OOEP: variants seen among roughly 807,000 people sequenced by gnomAD.
The protein encoded by OOEP is oocyte-expressed protein homolog.
OOEP carries 16 observed loss-of-function variants against 13.7 expected under a neutral mutation model. The observed-to-expected ratio is 1.16, with a 90% confidence interval of 0.79 to 1.77. OOEP has a LOEUF of 1.77. OOEP is among the 40% of genes most tolerant of loss of function. The probability of loss-of-function intolerance (pLI) is 0.00; values close to 1 mark genes in which losing one functional copy is unlikely to be tolerated. For missense variants in OOEP, 195 were observed against 193.1 expected (o/e 1.01, Z -0.06); for synonymous variants, 89 against 77.1 (o/e 1.15, Z -0.81).
At chr6:73,371,250 G>A (rs1482933553), upstream of OOEP, among the ~76,000 whole-genome samples, 1 of 152,162 alleles carries the variant, frequency 6.6e-6, no homozygotes, top group Non-Finnish European at 1.5e-5. Context: ...TATCAGGTGT[G>A]CAGGGCATAC....
At chr6:73,393,003 A>G (rs1042880689) in intron 2 of OOEP, among the ~76,000 whole-genome samples, 1 of 151,626 alleles carries the variant, frequency 6.6e-6, no homozygotes, top group Non-Finnish European at 1.5e-5. Flanking sequence ...CCAGACCTCA[A>G]GTGATCTGCC....
chr6:73,369,728 T>C lies in OOEP; in HGVS notation c.65A>G (p.Glu22Gly), dbSNP rs768243028. ...RGKQTPAHSL[E>G]QLRRLPLPPP... is the part of the protein sequence containing the mutation. ...CGGAAGTGGTAACCTACGCAGCTGC[T>C]CCAGGGAGTGGGCCGGAGTCTGTTT... The change falls in exon 1 of 3, where the codon GAG (glutamate) becomes GGG (glycine). Residue 22 changes from glutamate (E) to glycine (G), a missense_variant. Glu to Gly is a moderately conservative substitution (Grantham distance 98). Coordinates refer to ENST00000370359, the MANE Select transcript of OOEP (RefSeq NM_001080507.3). The C allele has an allele frequency of 1.9e-6, 3 of 1,613,998 alleles. No individual in the cohort carries two copies. The highest frequency in any genetic ancestry group is 2.2e-5 in the South Asian group (2 of 91,084).
chr6:73,369,721 C>T lies in OOEP; in HGVS notation c.72G>A (p.Leu24=). ...KQTPAHSLEQ[L]RRLPLPPPQI... is the part of the protein sequence containing the mutation. ...GTGGCGGCGGAAGTGGTAACCTACG[C>T]AGCTGCTCCAGGGAGTGGGCCGGAG... The change falls in exon 1 of 3, where the codon CTG becomes CTA. Residue 24 remains leucine, a synonymous_variant. Transcript: ENST00000370359. The T allele has an allele frequency of 6.2e-7, 1 of 1,614,054 alleles. No individual in the cohort carries two copies. Among genetic ancestry groups the T allele is most frequent in the Non-Finnish European group, 8.5e-7 (1 of 1,179,898 alleles).
chr6:73,382,898 A>G (rs1017130595), intron 2 of OOEP, among the ~76,000 whole-genome samples: 2 of 118,008 alleles, frequency 1.7e-5, no homozygotes, highest in African/African-American at 3.3e-5. Context: ...TCTGTCACCC[A>G]GGGTTGGGTG....
At chr6:73,377,338 T>C (rs1220598469) in intron 2 of OOEP, among the ~76,000 whole-genome samples, 1 of 152,212 alleles carries the variant, frequency 6.6e-6, no homozygotes, top group Non-Finnish European at 1.5e-5. Flanking sequence ...GAGAGAACTA[T>C]AGGGCTCTGC....
At position 73,380,198 on chromosome 6, in the gene OOEP, A is replaced by G. The variant is rs191972073; in HGVS notation, c.26-10813T>C. Among the ~76,000 whole-genome samples, 21 of 152,166 alleles carry G rather than the reference A, an allele frequency of 1.4e-4. No homozygotes were observed. The East Asian group carries it at 4.1e-3, about 29-fold the overall frequency. ...CCACCAATCTCATCAGAAAAATGTA[A>G]TAATTGGGAAGGTGTCAAGACAGTG... On this transcript the variant is annotated intron_variant, in intron 2 of 3. Coordinates refer to the OOEP transcript ENST00000370363.
chr6:73,377,475 C>T (rs1408919396), intron 2 of OOEP, among the ~76,000 whole-genome samples: 1 of 152,052 alleles, frequency 6.6e-6, no homozygotes, highest in African/African-American at 2.4e-5. Context: ...GTGAATATAC[C>T]ATTTCTACTT....
At chr6:73,376,666 G>T (rs1562278179) in intron 2 of OOEP, among the ~76,000 whole-genome samples, 1 of 150,546 alleles carries the variant, frequency 6.6e-6, no homozygotes, top group Non-Finnish European at 1.5e-5. Context: ...TTGTTTGTTT[G>T]TTTGAGATGG....
chr6:73,394,748 A>G (rs1429386759), exon 1 of OOEP: 2 of 1,045,256 alleles, frequency 1.9e-6, no homozygotes, highest in Non-Finnish European at 2.7e-6. Context: ...ATCAGTGCGA[A>G]GTGGGCGGGA....
At chr6:73,375,894 T>C (rs1769132329) in intron 2 of OOEP, among the ~76,000 whole-genome samples, 1 of 150,012 alleles carries the variant, frequency 6.7e-6, no homozygotes, top group Non-Finnish European at 1.5e-5. Flanking sequence ...CAGGTTCAAG[T>C]GATTCTCCTG....
Position 73,369,781 on chromosome 6 carries a change from A to T in OOEP, c.12T>A (p.Asp4Glu), listed in dbSNP as rs779983566. Residue 4 changes from aspartate (D) to glutamate (E), a missense_variant, in exon 1 of 3, where the codon GAT becomes GAA. Physicochemically the swap from Asp to Glu is conservative, Grantham distance 45. Transcript: ENST00000370359. ...CCCGCTGGGACTCAGCGGCACCAGCATCATCGACCATACTGGGACCAGCAG... is the reference window on the plus strand; with the variant it reads ...CCCGCTGGGACTCAGCGGCACCAGCTTCATCGACCATACTGGGACCAGCAG... MVDDAGAAESQRGK... is the reference protein window; with the variant it reads MVDEAGAAESQRGK... 1.2e-6 allele frequency: 2 copies of T among 1,613,320 alleles called. No individual in the cohort carries two copies. Among genetic ancestry groups the T allele is most frequent in the South Asian group, 1.1e-5 (1 of 91,078 alleles).
chr6:73,371,388 A>G (rs1279967764), upstream of OOEP, among the ~76,000 whole-genome samples: 2 of 152,132 alleles, frequency 1.3e-5, no homozygotes, highest in Non-Finnish European at 2.9e-5. Flanking sequence ...GGATCACTTG[A>G]GGTCAGGAGT....
At chr6:73,379,501 G>A (rs1040759186) in intron 2 of OOEP, among the ~76,000 whole-genome samples, 1 of 151,298 alleles carries the variant, frequency 6.6e-6, no homozygotes, top group Non-Finnish European at 1.5e-5. Context: ...AAATTAGCCG[G>A]GCATGGTAGT....
chr6:73,369,879 A>G lies in OOEP; in HGVS notation c.-87T>C, dbSNP rs1769021234. 1.6e-6 allele frequency: 2 copies of G among 1,238,872 alleles called. No individual in the cohort carries two copies. The highest frequency in any genetic ancestry group is 4.7e-5 in the East Asian group (2 of 42,824). The allele number at this position is 1,238,872 out of a possible 1,614,324, so 76.7% of individuals were successfully genotyped here. On this transcript the variant is annotated 5_prime_UTR_variant, in exon 1 of 3. Transcript: ENST00000370359. ...AGGCGCGAAGCTCGGGCTCTCTTTTACCATATTCGACCCGCTCCGCCCCTT... is the reference window on the plus strand; with the variant it reads ...AGGCGCGAAGCTCGGGCTCTCTTTTGCCATATTCGACCCGCTCCGCCCCTT...
Position 73,369,302 on chromosome 6 carries a change from C to T in OOEP, c.274G>A (p.Val92Ile), listed in dbSNP as rs773287616. 3 of 1,613,742 alleles carry T rather than the reference C, an allele frequency of 1.9e-6. No individual in the cohort carries two copies. In the African/African-American group the frequency reaches 4.0e-5, roughly 22 times the overall value. Residue 92 changes from valine (V) to isoleucine (I), a missense_variant, in exon 2 of 3, where the codon GTC (valine) becomes ATC (isoleucine). Coordinates refer to ENST00000370359, the MANE Select transcript of OOEP (RefSeq NM_001080507.3). Reference sequence around the variant, plus strand: ...GGCCGCCCGAAAACGGTGATTTCGACTAGGTTCCCTGAGTCCACTATGTCC... The same window carrying T: ...GGCCGCCCGAAAACGGTGATTTCGATTAGGTTCCCTGAGTCCACTATGTCC... ...TVDIVDSGNL[V>I]EITVFGRPRV...
chr6:73,390,789 G>T (rs1769337759), intron 2 of OOEP, among the ~76,000 whole-genome samples: 1 of 148,688 alleles, frequency 6.7e-6, no homozygotes, highest in Non-Finnish European at 1.5e-5. Flanking sequence ...TTAGTAGAGA[G>T]GGGGGTATCG....
intron 2 of OOEP, among the ~76,000 whole-genome samples, chr6:73,380,387 A>G (rs778048496): frequency 6.6e-6 from 1 of 152,056 alleles, no homozygotes; most frequent in Non-Finnish European, 1.5e-5. Context: ...AGTTATTGAA[A>G]TGCACCAATA....
In OOEP at chr6:73,369,781, A is replaced by G. The variant is rs779983566; in HGVS notation, c.12T>C (p.Asp4=). 3 of 1,613,320 alleles carry G rather than the reference A, an allele frequency of 1.9e-6. 1 individual carries two copies. Among genetic ancestry groups the G allele is most frequent in the Non-Finnish European group, 2.5e-6 (3 of 1,179,562 alleles). Residue 4 remains aspartate (D), a synonymous_variant, in exon 1 of 3, where the codon GAT becomes GAC. Coordinates refer to ENST00000370359, the MANE Select transcript of OOEP (RefSeq NM_001080507.3). MVD[D]AGAAESQRGK... Reference sequence around the variant, plus strand: ...CCCGCTGGGACTCAGCGGCACCAGCATCATCGACCATACTGGGACCAGCAG... The same window carrying G: ...CCCGCTGGGACTCAGCGGCACCAGCGTCATCGACCATACTGGGACCAGCAG...
At position 73,374,930 on chromosome 6, in the gene OOEP, A is replaced by G. The variant is rs146645517; in HGVS notation, c.26-5545T>C. Among the ~76,000 whole-genome samples, 863 of 152,212 alleles carry G rather than the reference A, an allele frequency of 5.7e-3. 5 individuals are homozygous for G. Among genetic ancestry groups the G allele is most frequent in the African/African-American group, 0.02 (822 of 41,526 alleles). On this transcript the variant is annotated intron_variant, in intron 2 of 3. Coordinates refer to the OOEP transcript ENST00000370363. ...AACCTCCACCTCCCAGGTTCAAGCT[A>G]TTCTCCTGCCACAGCCTCCTGAGCA...
Sources: gnomAD v4.1 joint callset for allele counts (sites outside exome capture counted in the v4.1 genomes callset) on GRCh38, gnomAD v4.1.1 for gene constraint, MANE v1.5 for transcripts, NCBI Gene and HGNC (gene_info 2026-07-23, HGNC 2026-07-21) for gene names.